The following NAV2 variants were observed in gnomAD, a reference collection of about 807,000 sequenced individuals.
The protein encoded by NAV2 is helicase, APC down-regulated 1.
In NAV2, 54 loss-of-function variants were observed where a neutral mutation model predicts 223.2. The ratio of observed to expected loss-of-function variants is 0.24; its 90% CI spans 0.19 to 0.30. The LOEUF is 0.30. Ranked by LOEUF, NAV2 falls within the 10% of genes least tolerant of loss-of-function variation. NAV2 has a pLI of 1.00. For synonymous variants in NAV2, 1,279 were observed against 1,239.3 expected, an observed-to-expected ratio of 1.03 and a Z score of -0.67; for missense variants, 2,806 against 3,147.5, an observed-to-expected ratio of 0.89 and a Z score of 2.60.
At chr11:19,756,868 G>T (rs922058300) in intron 1 of NAV2, among the ~76,000 whole-genome samples, 1 of 152,132 alleles carries the variant, frequency 6.6e-6, no homozygotes, top group African/African-American at 2.4e-5. Flanking sequence ...CGGACTTCAC[G>T]CACAGAGCCC....
intron 34 of NAV2, chr11:20,105,253 C>G (rs939015792): frequency 3.1e-6 from 1 of 325,572 alleles, no homozygotes; most frequent in East Asian, 6.1e-5. Flanking sequence ...CTTCAATTAA[C>G]TAGCTGTTTG....
At chr11:20,027,856 C>T (rs2055267377) in intron 11 of NAV2, among the ~76,000 whole-genome samples, 1 of 152,210 alleles carries the variant, frequency 6.6e-6, no homozygotes, top group Non-Finnish European at 1.5e-5. Context: ...ACTCCTCCTC[C>T]CGGAGTCTTT....
At chr11:19,365,928 G>A (rs994534753) in intron 1 of NAV2, among the ~76,000 whole-genome samples, 11 of 152,184 alleles carry the variant, frequency 7.2e-5, no homozygotes, top group Admixed American at 3.9e-4. Context: ...TTGTCAACTC[G>A]CTGAATGAGT....
intron 1 of NAV2, among the ~76,000 whole-genome samples, chr11:19,632,353 A>G (rs1307286196): frequency 1.3e-5 from 2 of 152,220 alleles, no homozygotes; most frequent in African/African-American, 2.4e-5. Context: ...AGGCTGTTGC[A>G]AGGCTGTATG....
chr11:19,592,423 T>A lies in NAV2; in HGVS notation c.76-240061T>A, dbSNP rs539886677. Among the ~76,000 whole-genome samples the A allele has an allele frequency of 3.2e-4, 49 of 152,284 alleles. No homozygotes were observed. The South Asian group carries it at 0.01, about 32-fold the overall frequency. ...TCCTAGATCACCTCAGAATTTTTTA[T>A]TCCTCCATTTCCTGTCCTCCCATAG... is the stretch of plus-strand genomic sequence containing the variant. On this transcript the variant is annotated intron_variant, in intron 1 of 37. Coordinates refer to the NAV2 transcript ENST00000360655.
intron 35 of NAV2, 187 bp from the exon 36 acceptor site, chr11:20,107,477 A>C (rs1336969765): frequency 5.0e-6 from 3 of 600,050 alleles, no homozygotes; most frequent in Non-Finnish European, 8.9e-6. Flanking sequence ...AGGTGGAATC[A>C]GGGATCAGAG....
intron 1 of NAV2, among the ~76,000 whole-genome samples, chr11:19,684,874 CA>C (rs2048978713): frequency 6.6e-6 from 1 of 152,194 alleles, no homozygotes; most frequent in South Asian, 2.1e-4. Flanking sequence ...GCACATTGCC[CA>C]AAGTTGGGTC....
Position 19,974,328 on chromosome 11 carries a change from GTGGTGGAATTATATTCTGTGATACTGTAA to G in NAV2, c.2646-9790_2646-9762del, listed in dbSNP as rs1004514128. Among the ~76,000 whole-genome samples, 4 of 152,196 alleles carry G rather than the reference GTGGTGGAATTATATTCTGTGATACTGTAA, an allele frequency of 2.6e-5. 1 individual carries two copies. Among genetic ancestry groups the G allele is most frequent in the African/African-American group, 9.6e-5 (4 of 41,458 alleles). On this transcript the variant is annotated intron_variant, in intron 10 of 37. Transcript: ENST00000349880. ...AGGTGGAGCATGGGGCATTTTTAAG[GTGGTGGAATTATATTCTGTGATACTGTAA>G]TGGTGGGTAGGTGACATTCTGTATC... is the stretch of plus-strand genomic sequence containing the variant.
Position 19,565,543 on chromosome 11 carries a change from G to C in NAV2, c.75+214516G>C, listed in dbSNP as rs574206693. Among the ~76,000 whole-genome samples, 3 of 152,276 alleles carry C rather than the reference G, an allele frequency of 2.0e-5. No homozygotes were observed. In the South Asian group the frequency reaches 6.2e-4, roughly 32 times the overall value. ...GAACCCAGGAGTCAGGACATCTGAG[G>C]AAGGGCTACATGCATCACTGATCTC... is the stretch of plus-strand genomic sequence containing the variant. On this transcript the variant is annotated intron_variant, in intron 1 of 37. Coordinates refer to the NAV2 transcript ENST00000360655.
At chr11:19,932,236 CAAAAA>C (rs398015484) in intron 6 of NAV2, among the ~76,000 whole-genome samples, 2 of 78,988 alleles carry the variant, frequency 2.5e-5, no homozygotes, top group African/African-American at 6.1e-5. Flanking sequence ...CACTCTTAAG[CAAAAA>C]AAAAAAAAAA....
chr11:19,549,157 G>A (rs1346100111), intron 1 of NAV2, among the ~76,000 whole-genome samples: 1 of 152,164 alleles, frequency 6.6e-6, no homozygotes, highest in East Asian at 1.9e-4. Flanking sequence ...ATGTGGCTGA[G>A]GTTCCAAAGC....
At chr11:19,840,249 T>C (rs2060439227) in intron 2 of NAV2, among the ~76,000 whole-genome samples, 1 of 152,232 alleles carries the variant, frequency 6.6e-6, no homozygotes, top group African/African-American at 2.4e-5. Context: ...TCAGTTTATT[T>C]TGACTTTTGT....
At chr11:19,939,027 G>T (rs759441916) in intron 7 of NAV2, among the ~76,000 whole-genome samples, 1 of 152,214 alleles carries the variant, frequency 6.6e-6, no homozygotes, top group Non-Finnish European at 1.5e-5. Flanking sequence ...GCATGAAGCT[G>T]TTGCTTCAAT....
intron 5 of NAV2, chr11:19,884,406 C>T (rs757686411): frequency 6.6e-7 from 1 of 1,512,272 alleles, no homozygotes; most frequent in Admixed American, 1.7e-5. Flanking sequence ...TTAATCCCAA[C>T]CCACTGTTCC....
chr11:19,358,385 T>A (rs1219682638), intron 1 of NAV2, among the ~76,000 whole-genome samples: 2 of 152,142 alleles, frequency 1.3e-5, no homozygotes, highest in Non-Finnish European at 2.9e-5. Context: ...GACATGGGAA[T>A]TGGAGGTCAT....
intron 1 of NAV2, among the ~76,000 whole-genome samples, chr11:19,720,320 G>A (rs558660158): frequency 2.0e-5 from 3 of 152,326 alleles, no homozygotes; most frequent in South Asian, 4.1e-4. Context: ...AGACAATAGT[G>A]AGTGACACAA....
intron 6 of NAV2, among the ~76,000 whole-genome samples, chr11:19,931,051 G>A (rs1226865703): frequency 6.6e-6 from 1 of 152,184 alleles, no homozygotes; most frequent in Non-Finnish European, 1.5e-5. Flanking sequence ...CTGCATTTCT[G>A]GCTGTGTAAT....
At chr11:19,481,501 G>A (rs904734463) in intron 1 of NAV2, among the ~76,000 whole-genome samples, 1 of 152,206 alleles carries the variant, frequency 6.6e-6, no homozygotes, top group East Asian at 1.9e-4. Context: ...TTGGGTTCAA[G>A]TACTGACTCT....
At chr11:19,679,430 C>CAAAAAAAAAAAAAAAAAAAAAA (rs56384242) in intron 1 of NAV2, among the ~76,000 whole-genome samples, 1 of 114,118 alleles carries the variant, frequency 8.8e-6, no homozygotes, top group African/African-American at 2.8e-5. Flanking sequence ...GACTCTGTCT[C>CAAAAAAAAAAAAAAAAAAAAAA]AAAAAAACAC....
Sources: gnomAD v4.1 joint callset for allele counts (sites outside exome capture counted in the v4.1 genomes callset) on GRCh38, gnomAD v4.1.1 for gene constraint, MANE v1.5 for transcripts, NCBI Gene and HGNC (gene_info 2026-07-23, HGNC 2026-07-21) for gene names.